The following MRGPRX3 variants were observed in gnomAD, a reference collection of about 807,000 sequenced individuals.
The protein encoded by MRGPRX3 is mas-related G protein-coupled receptor member X3.
In MRGPRX3, 14 loss-of-function variants were observed where a neutral mutation model predicts 16.5. The observed-to-expected ratio is 0.85, with a 90% confidence interval of 0.56 to 1.33. The LOEUF (loss-of-function observed/expected upper bound fraction) is 1.33, where lower values mean the gene tolerates loss of function less well. MRGPRX3 is among the 40% of genes most tolerant of loss of function. MRGPRX3 has a pLI of 0.00. For missense variants in MRGPRX3, 449 were observed against 413.0 expected, an observed-to-expected ratio of 1.09 and a Z score of -0.76; for synonymous variants, 199 against 180.1, an observed-to-expected ratio of 1.10 and a Z score of -0.84.
At chr11:18,123,013 T>C (rs1202095116) in intron 1 of MRGPRX3, among the ~76,000 whole-genome samples, 1 of 152,160 alleles carries the variant, frequency 6.6e-6, no homozygotes, top group African/African-American at 2.4e-5. Flanking sequence ...TCATATCCTT[T>C]GCCCACTTTT....
In MRGPRX3 at chr11:18,137,160, T is replaced by A. The variant is rs370861050; in HGVS notation, c.-25-18T>A. Reference sequence around the variant, plus strand: ...AGAGATCAAACAGCTGGTGATCACATCTGGTTTCTGTTTCCAGGGTCATCA... The same window carrying A: ...AGAGATCAAACAGCTGGTGATCACAACTGGTTTCTGTTTCCAGGGTCATCA... On this transcript the variant is annotated intron_variant, in intron 1 of 1. Coordinates refer to ENST00000621697, the MANE Select transcript of MRGPRX3 (RefSeq NM_001370464.1). The A allele has an allele frequency of 1.1e-5, 17 of 1,547,630 alleles. No individual in the cohort carries two copies. The highest frequency in any genetic ancestry group is 1.7e-4 in the Middle Eastern group (1 of 5,742).
At chr11:18,136,062 A>G (rs1849005082) in intron 1 of MRGPRX3, among the ~76,000 whole-genome samples, 1 of 152,088 alleles carries the variant, frequency 6.6e-6, no homozygotes, top group South Asian at 2.1e-4. Flanking sequence ...TTACAACCCA[A>G]GCCCTACACT....
rs1298176183 is a variant in MRGPRX3, at chr11:18,132,654, C to T, written c.-111C>T. 1 of 152,276 alleles carries T rather than the reference C, an allele frequency of 6.6e-6. No individual in the cohort carries two copies. The highest frequency in any genetic ancestry group is 6.5e-5 in the Admixed American group (1 of 15,286). 9.4% of individuals were successfully genotyped at this position (152,276 alleles called of 1,614,324 possible). ...CCTGAATTAAGCAACACAGAAAAGT[C>T]CTCTGAAGTCACTGAATCCCATAAA... is the stretch of plus-strand genomic sequence containing the variant. On this transcript the variant is annotated 5_prime_UTR_variant, in exon 1 of 2. Transcript: ENST00000621697.
chr11:18,127,287 C>A (rs1848910581), intron 1 of MRGPRX3, among the ~76,000 whole-genome samples: 1 of 152,154 alleles, frequency 6.6e-6, no homozygotes, highest in African/African-American at 2.4e-5. Flanking sequence ...TTGTGGCATT[C>A]TCTGTATTTC....
chr11:18,136,848 A>G (rs572043509), intron 1 of MRGPRX3, among the ~76,000 whole-genome samples: 89 of 152,264 alleles, frequency 5.8e-4, no homozygotes, highest in African/African-American at 2.1e-3. Flanking sequence ...GTGTATCTGA[A>G]TTCCTCCACC....
intron 1 of MRGPRX3, 121 bp from the exon 2 acceptor site, chr11:18,137,057 T>A: frequency 9.2e-7 from 1 of 1,087,408 alleles, no homozygotes; most frequent in Non-Finnish European, 1.3e-6. Context: ...GATAGGTGAC[T>A]TATTCTCTGC....
At chr11:18,128,363 C>T (rs1254836894), upstream of MRGPRX3, among the ~76,000 whole-genome samples, 2 of 152,218 alleles carry the variant, frequency 1.3e-5, no homozygotes, top group African/African-American at 4.8e-5. Context: ...TTGGCTATGG[C>T]CTGCCCCCAG....
At chr11:18,129,536 T>TA (rs1387002394), upstream of MRGPRX3, among the ~76,000 whole-genome samples, 4 of 152,124 alleles carry the variant, frequency 2.6e-5, no homozygotes, top group Non-Finnish European at 4.4e-5. Flanking sequence ...GAGATTGAAA[T>TA]AAAATTTTTT....
chr11:18,123,400 A>G (rs1253792879), intron 1 of MRGPRX3, among the ~76,000 whole-genome samples: 2 of 152,168 alleles, frequency 1.3e-5, no homozygotes, highest in South Asian at 2.1e-4. Flanking sequence ...TCAGCTTTCT[A>G]CATATGGCTA....
chr11:18,121,058 G>A (rs1848827973), exon 1 of MRGPRX3: 3 of 152,488 alleles, frequency 2.0e-5, no homozygotes, highest in South Asian at 1.9e-4. Flanking sequence ...AGTGAGGAGC[G>A]TCTCTGCCCG....
chr11:18,130,617 G>C (rs1848951427), upstream of MRGPRX3, among the ~76,000 whole-genome samples: 1 of 148,548 alleles, frequency 6.7e-6, no homozygotes, highest in South Asian at 2.1e-4. Flanking sequence ...CAAGTTCAAT[G>C]CAATTCCCAC....
In MRGPRX3 at chr11:18,137,856, C is replaced by G. The variant is rs1338962449; in HGVS notation, c.654C>G (p.Ile218Met). The G allele has an allele frequency of 3.1e-6, 5 of 1,614,206 alleles. No individual in the cohort carries two copies. Among genetic ancestry groups the G allele is most frequent in the Non-Finnish European group, 4.2e-6 (5 of 1,180,040 alleles). Residue 218 changes from isoleucine to methionine, a missense_variant, in exon 2 of 2, where the codon ATC becomes ATG. Physicochemically the swap from Ile to Met is conservative, Grantham distance 10 (BLOSUM62 1). Coordinates refer to ENST00000621697, the MANE Select transcript of MRGPRX3 (RefSeq NM_001370464.1). ...KMPLTRLYVT[I>M]LLTVLVFLLC... is the part of the protein sequence containing the mutation. The stretch of plus-strand genomic sequence containing the variant: ...CGCTGACCAGGCTGTACGTGACCAT[C>G]CTCCTCACAGTGCTGGTCTTCCTCC...
At chr11:18,127,286 T>C (rs1848910561) in intron 1 of MRGPRX3, among the ~76,000 whole-genome samples, 1 of 152,202 alleles carries the variant, frequency 6.6e-6, no homozygotes, top group African/African-American at 2.4e-5. Flanking sequence ...TTTGTGGCAT[T>C]CTCTGTATTT....
intron 1 of MRGPRX3, among the ~76,000 whole-genome samples, chr11:18,135,076 C>T (rs1848996256): frequency 6.6e-6 from 1 of 152,184 alleles, no homozygotes; most frequent in Admixed American, 6.5e-5. Context: ...TCGTGCAGGA[C>T]TCCAGGGACC....
intron 1 of MRGPRX3, among the ~76,000 whole-genome samples, chr11:18,122,027 G>C (rs200239216): frequency 2.2e-5 from 3 of 137,328 alleles, no homozygotes; most frequent in Non-Finnish European, 4.6e-5. Flanking sequence ...AAGAAAAAAA[G>C]AAAAAAAAAA....
chr11:18,137,565 C>T lies in MRGPRX3; in HGVS notation c.363C>T (p.Cys121=). 1 of 1,614,206 alleles carries T rather than the reference C, an allele frequency of 6.2e-7. No homozygotes were observed. Among genetic ancestry groups the T allele is most frequent in the Non-Finnish European group, 8.5e-7 (1 of 1,180,038 alleles). The change falls in exon 2 of 2, where the codon TGC becomes TGT. Residue 121 remains cysteine, a synonymous_variant. Coordinates refer to ENST00000621697, the MANE Select transcript of MRGPRX3 (RefSeq NM_001370464.1). ...TGAGCGCCATCAGCACCGAGCGCTG[C>T]CTGTCCATCCTGTGGCCCATCTGGT... ...SMLSAISTER[C]LSILWPIWYH...
intron 1 of MRGPRX3, among the ~76,000 whole-genome samples, chr11:18,135,534 T>C (rs562371777): frequency 2.0e-5 from 3 of 152,172 alleles, no homozygotes; most frequent in Non-Finnish European, 4.4e-5. Flanking sequence ...TGTGCATTCT[T>C]GGGATTCCAG....
intron 1 of MRGPRX3, among the ~76,000 whole-genome samples, chr11:18,135,786 G>C (rs1340166066): frequency 3.3e-5 from 5 of 151,968 alleles, no homozygotes; most frequent in Admixed American, 1.3e-4. Flanking sequence ...TGGGTCCAAA[G>C]GGCTGGTGAA....
At chr11:18,124,524 C>T (rs929750711) in intron 1 of MRGPRX3, among the ~76,000 whole-genome samples, 2 of 152,274 alleles carry the variant, frequency 1.3e-5, no homozygotes, top group South Asian at 2.1e-4. Context: ...AGCCTTGCAT[C>T]CCAGGGATGA....
Sources: allele counts gnomAD v4.1 joint callset (sites outside exome capture counted in the v4.1 genomes callset), GRCh38; gene constraint gnomAD v4.1.1; transcripts MANE v1.5; gene names NCBI Gene and HGNC (gene_info 2026-07-23, HGNC 2026-07-21).